AGAP3: variants seen among roughly 807,000 people sequenced by gnomAD.
The protein encoded by AGAP3 is ArfGAP with GTPase domain, ankyrin repeat and PH domain 3.
Under a neutral mutation model 96.9 loss-of-function variants are expected in AGAP3, and 24 were observed. The ratio of observed to expected loss-of-function variants is 0.25; its 90% CI spans 0.18 to 0.35. AGAP3 has a LOEUF of 0.35. AGAP3 is among the 10% of genes least tolerant of loss of function. AGAP3 has a pLI of 1.00. For synonymous variants in AGAP3, 563 were observed against 536.1 expected, an observed-to-expected ratio of 1.05 and a Z score of -0.69; for missense variants, 876 against 1,254.2, an observed-to-expected ratio of 0.70 and a Z score of 4.55.
At chr7:151,101,567 G>A (rs775427592) in intron 1 of AGAP3, among the ~76,000 whole-genome samples, 6 of 152,194 alleles carry the variant, frequency 3.9e-5, no homozygotes, top group Non-Finnish European at 8.8e-5. Flanking sequence ...GGGAAACCCG[G>A]TGTCCTGCCC....
chr7:151,093,322 G>T (rs906967130), intron 1 of AGAP3, among the ~76,000 whole-genome samples: 3 of 152,092 alleles, frequency 2.0e-5, no homozygotes, highest in African/African-American at 4.8e-5. Context: ...TTCATTCTTT[G>T]TAGAGATGGG....
chr7:151,130,626 G>T (rs1181320412), intron 10 of AGAP3, among the ~76,000 whole-genome samples: 1 of 152,104 alleles, frequency 6.6e-6, no homozygotes, highest in African/African-American at 2.4e-5. Context: ...TGCACTGTGC[G>T]AGTCTTAGAA....
intron 10 of AGAP3, among the ~76,000 whole-genome samples, chr7:151,132,754 G>T (rs572122696): frequency 6.6e-6 from 1 of 152,222 alleles, no homozygotes; most frequent in African/African-American, 2.4e-5. Flanking sequence ...TCTTTCCTCC[G>T]TCTAGCTGGT....
At chr7:151,115,668 T>C in intron 1 of AGAP3, 5 of 1,144,564 alleles carry the variant, frequency 4.4e-6, no homozygotes, top group Non-Finnish European at 5.4e-6. Context: ...GGGGGGCGTC[T>C]GGCAGAAAAC....
At chr7:151,099,129 G>A (rs935664765) in intron 1 of AGAP3, among the ~76,000 whole-genome samples, 5 of 151,932 alleles carry the variant, frequency 3.3e-5, no homozygotes, top group Admixed American at 2.6e-4. Context: ...GGATCACGAG[G>A]TCAGGAGATC....
intron 2 of AGAP3, 82 bp downstream of exon 2, chr7:151,116,933 C>T (rs1799618515): frequency 1.9e-6 from 3 of 1,578,348 alleles, no homozygotes; most frequent in Non-Finnish European, 2.6e-6. Context: ...CCTTGCTTCT[C>T]CGGCTTCTGT....
chr7:151,135,658 A>C (rs1473081926), intron 11 of AGAP3, among the ~76,000 whole-genome samples: 1 of 152,218 alleles, frequency 6.6e-6, no homozygotes, highest in Non-Finnish European at 1.5e-5. Flanking sequence ...CCACTCTCGC[A>C]GAAACACCGT....
intron 1 of AGAP3, among the ~76,000 whole-genome samples, chr7:151,100,801 C>T (rs2150421865): frequency 6.6e-6 from 1 of 152,314 alleles, no homozygotes; most frequent in Non-Finnish European, 1.5e-5. Context: ...GAGATTGCAC[C>T]ACTGCATTCT....
In AGAP3 at chr7:151,139,640, A is replaced by C. The variant is rs188122488; in HGVS notation, c.1667-339A>C. On this transcript the variant is annotated intron_variant, in intron 12 of 17. Coordinates refer to ENST00000397238, the MANE Select transcript of AGAP3 (RefSeq NM_031946.7). The surrounding 1 kb of genome is among the most constrained non-coding windows in gnomAD (Gnocchi z 4.9). Reference sequence around the variant, plus strand: ...TGAGGAGCGGGGAGTGTGATTGAGGATAAATTTGGTGCGGAGCTGCTGGGG... The same window carrying C: ...TGAGGAGCGGGGAGTGTGATTGAGGCTAAATTTGGTGCGGAGCTGCTGGGG... 1.2e-4 allele frequency: 26 copies of C among 209,448 alleles called. No individual in the cohort carries two copies. The highest frequency in any genetic ancestry group is 5.5e-4 in the African/African-American group (24 of 43,662). 13.0% of individuals were successfully genotyped at this position (209,448 alleles called of 1,614,324 possible).
At chr7:151,130,577 G>A (rs1800363701) in intron 10 of AGAP3, among the ~76,000 whole-genome samples, 1 of 152,104 alleles carries the variant, frequency 6.6e-6, no homozygotes, top group African/African-American at 2.4e-5. Context: ...TAGGGTGGGT[G>A]TCTGAGCCCC....
Position 151,142,578 on chromosome 7 carries a change from C to G in AGAP3, c.2217C>G (p.Asn739Lys), listed in dbSNP as rs1377871470. The G allele has an allele frequency of 6.2e-7, 1 of 1,613,528 alleles. No individual in the cohort carries two copies. The highest frequency in any genetic ancestry group is 2.2e-5 in the East Asian group (1 of 44,896). The change falls in exon 16 of 18, where the codon AAC becomes AAG. Residue 739 changes from asparagine (N) to lysine (K), a missense_variant. This residue lies in a region of AGAP3 where 213 missense variants were observed against 253.8 expected (regional missense o/e 0.84). Coordinates refer to ENST00000397238, the MANE Select transcript of AGAP3 (RefSeq NM_031946.7). This position sits in a 1 kb window ranked among gnomAD's most constrained non-coding sequence, Gnocchi z 7.5. ...VMTAMGNALA[N>K]SVWEGALGGY... ...CTGCCATGGGCAATGCCCTCGCCAACAGCGTCTGGGAGGGGGCCTTGGGTG... is the reference window on the plus strand; with the variant it reads ...CTGCCATGGGCAATGCCCTCGCCAAGAGCGTCTGGGAGGGGGCCTTGGGTG...
At chr7:151,130,266 AG>A (rs1358925193) in intron 10 of AGAP3, among the ~76,000 whole-genome samples, 1 of 152,032 alleles carries the variant, frequency 6.6e-6, no homozygotes, top group East Asian at 1.9e-4. Context: ...AGGAGTGGCA[AG>A]GGGTGTCTTG....
Position 151,132,017 on chromosome 7 carries a change from C to T in AGAP3, c.1327-2383C>T, listed in dbSNP as rs567469363. Among the ~76,000 whole-genome samples the T allele has an allele frequency of 4.1e-4, 62 of 152,280 alleles. 1 individual carries two copies. The highest frequency in any genetic ancestry group is 3.4e-3 in the Middle Eastern group (1 of 294). ...AGGGACTGCCGACGGGGACCAGGGA[C>T]GGGCAGCTGAGTCTGTGGGATGCAA... On this transcript the variant is annotated intron_variant, in intron 10 of 17. Transcript: ENST00000397238.
chr7:151,100,790 T>C (rs1379238491), intron 1 of AGAP3, among the ~76,000 whole-genome samples: 1 of 152,176 alleles, frequency 6.6e-6, no homozygotes, highest in Non-Finnish European at 1.5e-5. Flanking sequence ...TGCAGTGAGC[T>C]GAGATTGCAC....
intron 1 of AGAP3, among the ~76,000 whole-genome samples, chr7:151,092,256 G>A (rs142626247): frequency 1.1e-4 from 17 of 152,188 alleles, no homozygotes; most frequent in East Asian, 3.8e-4. Flanking sequence ...AACGAGGTAC[G>A]CTTCTTGGAA....
chr7:151,095,469 G>A (rs1798564535), intron 1 of AGAP3, among the ~76,000 whole-genome samples: 2 of 152,104 alleles, frequency 1.3e-5, no homozygotes, highest in African/African-American at 4.8e-5. Context: ...TTGGTGTTTT[G>A]ATGGCTTGCA....
At chr7:151,101,511 G>A (rs1798833552) in intron 1 of AGAP3, among the ~76,000 whole-genome samples, 1 of 152,212 alleles carries the variant, frequency 6.6e-6, no homozygotes, top group African/African-American at 2.4e-5. Context: ...GGCTGGTGGG[G>A]CATTGAGTGC....
chr7:151,124,742 G>C (rs925219963), intron 9 of AGAP3, among the ~76,000 whole-genome samples: 5 of 152,194 alleles, frequency 3.3e-5, no homozygotes, highest in Non-Finnish European at 5.9e-5. Flanking sequence ...CTGCTTGTGG[G>C]GAGGGGCCAG....
chr7:151,124,432 C>T (rs1047868168), intron 9 of AGAP3, among the ~76,000 whole-genome samples: 5 of 152,254 alleles, frequency 3.3e-5, no homozygotes, highest in South Asian at 2.1e-4. Context: ...GCAGTGGACA[C>T]GGCATTGCCC....
Sources: allele counts gnomAD v4.1 joint callset (sites outside exome capture counted in the v4.1 genomes callset), GRCh38; gene constraint gnomAD v4.1.1; regional missense constraint gnomAD v4.1.1; non-coding constraint Gnocchi (gnomAD v3.1); transcripts MANE v1.5; gene names NCBI Gene and HGNC (gene_info 2026-07-23, HGNC 2026-07-21).